Variants in TRMT9B observed in about 807,000 individuals in gnomAD.
The protein encoded by TRMT9B is probable tRNA methyltransferase 9B.
A neutral mutation model predicts 11.5 loss-of-function variants in TRMT9B; 16 were observed. The ratio of observed to expected loss-of-function variants is 1.39; its 90% confidence interval spans 0.94 to 2.11. The LOEUF (loss-of-function observed/expected upper bound fraction) is 2.11, where lower values mean the gene tolerates loss of function less well. TRMT9B is among the 30% of genes most tolerant of loss of function. The pLI is 0.00. For synonymous variants in TRMT9B, 274 were observed against 192.4 expected (o/e 1.42, Z -3.51); for missense variants, 941 against 553.8 (o/e 1.70, Z -7.02).
At chr8:12,948,852 T>C (rs1433204647) in intron 1 of TRMT9B, among the ~76,000 whole-genome samples, 1 of 152,022 alleles carries the variant, frequency 6.6e-6, no homozygotes, top group Non-Finnish European at 1.5e-5. Context: ...CCCCGCTACT[T>C]GGGAGGCTGA....
chr8:12,970,375 A>G (rs981608192), intron 1 of TRMT9B, among the ~76,000 whole-genome samples: 6 of 152,192 alleles, frequency 3.9e-5, no homozygotes, highest in African/African-American at 1.4e-4. Context: ...TGTATTCAGT[A>G]TTCTCCATCC....
At chr8:13,013,643 C>T (rs933182169) in intron 4 of TRMT9B, among the ~76,000 whole-genome samples, 1 of 152,056 alleles carries the variant, frequency 6.6e-6, no homozygotes, top group African/African-American at 2.4e-5. Context: ...TTACTTGTCC[C>T]AATACACTCT....
intron 1 of TRMT9B, chr8:12,952,770 C>T: frequency 2.6e-6 from 2 of 767,608 alleles, no homozygotes; most frequent in Non-Finnish European, 3.2e-6. Context: ...GACGGAGTCT[C>T]TCTCTGTCAC....
chr8:12,966,580 A>AG (rs1802853795), intron 1 of TRMT9B, among the ~76,000 whole-genome samples: 1 of 152,208 alleles, frequency 6.6e-6, no homozygotes, highest in African/African-American at 2.4e-5. Flanking sequence ...AGCTATTTCT[A>AG]TTGTTTAGCC....
chr8:13,006,860 G>C (rs1429624787), intron 3 of TRMT9B: 2 of 190,562 alleles, frequency 1.0e-5, no homozygotes, highest in Admixed American at 1.1e-4. Context: ...GTAGAAACGG[G>C]GTTTTGCCAT....
chr8:13,018,882 C>G (rs1813298618), intron 4 of TRMT9B, among the ~76,000 whole-genome samples: 1 of 152,150 alleles, frequency 6.6e-6, no homozygotes, highest in Non-Finnish European at 1.5e-5. Context: ...GAGGCGATTT[C>G]AAATAGCAAA....
In TRMT9B at chr8:13,026,500, TC is replaced by T. The variant is rs1384622012; in HGVS notation, c.*4460del. The T allele has an allele frequency of 2.4e-5, 4 of 166,982 alleles. No individual in the cohort carries two copies. Among genetic ancestry groups the T allele is most frequent in the African/African-American group, 9.6e-5 (4 of 41,454 alleles). 10.3% of individuals were successfully genotyped at this position (166,982 alleles called of 1,614,324 possible). On this transcript the variant is annotated 3_prime_UTR_variant, in exon 5 of 5. Coordinates refer to ENST00000524591, the MANE Select transcript of TRMT9B (RefSeq NM_020844.3). The stretch of plus-strand genomic sequence containing the variant: ...CGGCTGGGGCCTCACTTCCCCTCCT[TC>T]CCCTTCTCCTGGTCCCCTGTCCCAG...
chr8:12,990,965 G>T lies in TRMT9B; in HGVS notation c.-68G>T. Reference sequence around the variant, plus strand: ...TTATGAGAAGCAACTGTCACTCTCTGGAGGTGGAGACTGCCGTGATTCACA... The same window carrying T: ...TTATGAGAAGCAACTGTCACTCTCTTGAGGTGGAGACTGCCGTGATTCACA... On this transcript the variant is annotated 5_prime_UTR_variant, in exon 2 of 5. Coordinates refer to ENST00000524591, the MANE Select transcript of TRMT9B (RefSeq NM_020844.3). The T allele has an allele frequency of 7.8e-7, 1 of 1,288,652 alleles. No individual in the cohort carries two copies. Among genetic ancestry groups the T allele is most frequent in the South Asian group, 1.2e-5 (1 of 80,824 alleles). The allele number at this position is 1,288,652 out of a possible 1,614,324, so 79.8% of individuals were successfully genotyped here. A position where few individuals can be genotyped will look rare whatever the true frequency, so the allele number is the denominator to read the frequency against.
intron 1 of TRMT9B, among the ~76,000 whole-genome samples, chr8:12,986,051 G>A (rs894712542): frequency 5.9e-5 from 9 of 151,914 alleles, no homozygotes; most frequent in Admixed American, 2.0e-4. Context: ...TAGTAGAGAC[G>A]GGGTTTCACC....
At chr8:12,967,223 T>C (rs1802940603) in intron 1 of TRMT9B, among the ~76,000 whole-genome samples, 3 of 152,224 alleles carry the variant, frequency 2.0e-5, no homozygotes, top group Admixed American at 2.0e-4. Context: ...TCAGAAATCT[T>C]TGATCAGTTA....
Position 12,952,594 on chromosome 8 carries a change from G to A in TRMT9B, c.-200+6628G>A, listed in dbSNP as rs904807280. ...GGAGTGCACGTGTATCTTTCCCTGG[G>A]GAACTGATTTTTAATTAGTAAGAGG... On this transcript the variant is annotated intron_variant, in intron 1 of 4. Coordinates refer to ENST00000524591, the MANE Select transcript of TRMT9B (RefSeq NM_020844.3). 2.3e-5 allele frequency: 15 copies of A among 664,430 alleles called. No individual in the cohort carries two copies. In the African/African-American group the frequency reaches 2.9e-4, roughly 13 times the overall value. 41.2% of individuals were successfully genotyped at this position (664,430 alleles called of 1,614,324 possible). A position where few individuals can be genotyped will look rare whatever the true frequency, so the allele number is the denominator to read the frequency against.
In TRMT9B at chr8:13,012,724, A is replaced by C. The variant is rs374709869; in HGVS notation, c.195A>C (p.Val65=). The C allele has an allele frequency of 3.5e-5, 56 of 1,614,048 alleles. No individual in the cohort carries two copies. The East Asian group carries it at 4.0e-4, about 12-fold the overall frequency. Residue 65 remains valine, a synonymous_variant, in exon 4 of 5, where the codon GTA becomes GTC. Coordinates refer to ENST00000524591, the MANE Select transcript of TRMT9B (RefSeq NM_020844.3). ...AATATCTTAAAGTGAACAGCCAGGT[A>C]CATACCGTGGGCTGTGACTACTGTG... ...TGKYLKVNSQ[V]HTVGCDYCGP... is the part of the protein sequence containing the mutation.
At chr8:13,006,504 T>C in intron 3 of TRMT9B, 148 bp downstream of exon 3, 1 of 1,480,798 alleles carries the variant, frequency 6.8e-7, no homozygotes, top group East Asian at 2.4e-5. Flanking sequence ...TAGCATGAAA[T>C]ACCTTCCATT....
intron 2 of TRMT9B, 30 bp downstream of exon 2, chr8:12,991,061 A>G (rs1807248005): frequency 9.0e-7 from 1 of 1,117,250 alleles, no homozygotes; most frequent in Admixed American, 3.3e-5. Context: ...TCTGCAACTC[A>G]CATACCATGA....
At chr8:12,984,286 G>T (rs1046864608) in intron 1 of TRMT9B, among the ~76,000 whole-genome samples, 3 of 152,122 alleles carry the variant, frequency 2.0e-5, no homozygotes, top group African/African-American at 2.4e-5. Context: ...AAACACTTCT[G>T]GTCCCAAGCA....
intron 2 of TRMT9B, among the ~76,000 whole-genome samples, chr8:12,991,300 T>G (rs1011781062): frequency 2.0e-5 from 3 of 152,224 alleles, no homozygotes; most frequent in African/African-American, 7.2e-5. Flanking sequence ...AAATGAGATT[T>G]TTATCACACA....
chr8:13,019,186 T>C (rs1354761166), intron 4 of TRMT9B, among the ~76,000 whole-genome samples: 1 of 152,278 alleles, frequency 6.6e-6, no homozygotes, highest in East Asian at 1.9e-4. Flanking sequence ...ATAATGAAGA[T>C]GGATTGTATT....
At chr8:12,962,416 T>C (rs957136000) in intron 1 of TRMT9B, among the ~76,000 whole-genome samples, 1 of 152,214 alleles carries the variant, frequency 6.6e-6, no homozygotes, top group Non-Finnish European at 1.5e-5. Context: ...TAAAATGTGT[T>C]GGCAGTATGT....
Position 13,027,516 on chromosome 8 carries a change from G to A in TRMT9B, c.*5472G>A, listed in dbSNP as rs892558379. On this transcript the variant is annotated 3_prime_UTR_variant, in exon 5 of 5. Coordinates refer to ENST00000524591, the MANE Select transcript of TRMT9B (RefSeq NM_020844.3). ...GCAGACTCCTTTGGATGGCATTCAG[G>A]CCCTTCATAAAGTAACTCTGAATTA... The A allele has an allele frequency of 4.8e-5, 8 of 166,946 alleles. No homozygotes were observed. The highest frequency in any genetic ancestry group is 2.0e-4 in the Admixed American group (3 of 15,270). The allele number at this position is 166,946 out of a possible 1,614,324, so 10.3% of individuals were successfully genotyped here. A position where few individuals can be genotyped will look rare whatever the true frequency, so the allele number is the denominator to read the frequency against.
Sources: gnomAD v4.1 joint callset for allele counts (sites outside exome capture counted in the v4.1 genomes callset) on GRCh38, gnomAD v4.1.1 for gene constraint, MANE v1.5 for transcripts, NCBI Gene and HGNC (gene_info 2026-07-23, HGNC 2026-07-21) for gene names.